The following HOMER1 variants were observed in gnomAD, a reference collection of about 807,000 sequenced individuals.
HOMER1 encodes homer protein homolog 1.
HOMER1 carries 3 observed loss-of-function variants against 48.9 expected under a neutral mutation model. The ratio of observed to expected loss-of-function variants is 0.06; its 90% CI spans 0.03 to 0.16. HOMER1 has a LOEUF of 0.16. Among genes scored for constraint, HOMER1 ranks in the 10% least tolerant of loss-of-function variants. HOMER1 has a pLI of 1.00. For missense variants in HOMER1, 247 were observed against 411.4 expected (o/e 0.60, Z 3.46); for synonymous variants, 134 against 146.4 (o/e 0.92, Z 0.61).
chr5:79,492,672 G>A (rs893078726), intron 1 of HOMER1, among the ~76,000 whole-genome samples: 1 of 152,062 alleles, frequency 6.6e-6, no homozygotes, highest in African/African-American at 2.4e-5. Context: ...TTGGTTTCAG[G>A]ATGTTTTCCA....
At chr5:79,500,969 C>G (rs574538778) in intron 1 of HOMER1, among the ~76,000 whole-genome samples, 8,162 of 94,080 alleles carry the variant, frequency 0.087, 483 homozygotes, top group East Asian at 0.5. Context: ...GACAGACACA[C>G]ACACACACAC....
intron 1 of HOMER1, among the ~76,000 whole-genome samples, chr5:79,492,647 G>A (rs968603642): frequency 9.2e-5 from 14 of 152,092 alleles, no homozygotes; most frequent in Admixed American, 4.6e-4. Flanking sequence ...AGACCTCTAA[G>A]ACTTTCCATA....
chr5:79,427,993 G>A (rs892387212), intron 5 of HOMER1, among the ~76,000 whole-genome samples: 1 of 152,114 alleles, frequency 6.6e-6, no homozygotes, highest in Non-Finnish European at 1.5e-5. Flanking sequence ...GAAAATGCTA[G>A]AAGACAGGAA....
intron 8 of HOMER1, among the ~76,000 whole-genome samples, chr5:79,379,190 T>C (rs1748877106): frequency 3.1e-5 from 3 of 96,298 alleles, no homozygotes; most frequent in South Asian, 3.2e-4. Context: ...TTTTTATATA[T>C]CTATAATATA....
chr5:79,465,584 C>CT (rs10666507), intron 1 of HOMER1, among the ~76,000 whole-genome samples: 2,516 of 77,882 alleles, frequency 0.032, 485 homozygotes, highest in East Asian at 0.1. Flanking sequence ...TACATTTCTT[C>CT]TTTTTTTTTT....
At chr5:79,505,726 A>C (rs973542472) in intron 1 of HOMER1, among the ~76,000 whole-genome samples, 1 of 152,238 alleles carries the variant, frequency 6.6e-6, no homozygotes, top group Admixed American at 6.5e-5. Context: ...TAAGTGTACT[A>C]TGAAGATAAA....
intron 5 of HOMER1, among the ~76,000 whole-genome samples, chr5:79,430,946 T>A (rs76312670): frequency 1.5e-4 from 22 of 150,786 alleles, no homozygotes; most frequent in Non-Finnish European, 1.0e-4. Flanking sequence ...AAAAAAAAAA[T>A]AAATAAAACA....
chr5:79,419,365 T>G (rs1377633081), intron 5 of HOMER1, among the ~76,000 whole-genome samples: 2 of 152,200 alleles, frequency 1.3e-5, no homozygotes, highest in Non-Finnish European at 1.5e-5. Context: ...TGTGCTTCTA[T>G]AGGTTTACTT....
intron 1 of HOMER1, among the ~76,000 whole-genome samples, chr5:79,476,597 A>G (rs1216704510): frequency 6.6e-6 from 1 of 152,188 alleles, no homozygotes; most frequent in Admixed American, 6.5e-5. Context: ...GAACTCAGGA[A>G]AACACTTAAG....
At chr5:79,492,911 T>TTC (rs1460196326) in intron 1 of HOMER1, among the ~76,000 whole-genome samples, 11 of 84,610 alleles carry the variant, frequency 1.3e-4, no homozygotes, top group Admixed American at 1.0e-3. Context: ...CTTTGTCTTT[T>TTC]TTTTTTTTTT....
At chr5:79,500,099 A>G (rs1038132335) in intron 1 of HOMER1, among the ~76,000 whole-genome samples, 5 of 152,212 alleles carry the variant, frequency 3.3e-5, no homozygotes, top group African/African-American at 1.2e-4. Flanking sequence ...AACCCAGAGT[A>G]AGGACCATTG....
Position 79,402,163 on chromosome 5 carries a change from CTTTTCTT to C in HOMER1, c.528-115_528-109del. 3 of 852,930 alleles carry C rather than the reference CTTTTCTT, an allele frequency of 3.5e-6. No homozygotes were observed. The African/African-American group carries it at 5.5e-5, about 16-fold the overall frequency. The allele number at this position is 852,930 out of a possible 1,614,324, so 52.8% of individuals were successfully genotyped here. ...AGGGTTTATAGTCTAAGAATGTTTT[CTTTTCTT>C]TTTTTTTTTTTTTGAGATGGAGTCT... On this transcript the variant is annotated intron_variant, in intron 5 of 8. Transcript: ENST00000334082.
At chr5:79,425,407 G>C (rs1230389372) in intron 5 of HOMER1, among the ~76,000 whole-genome samples, 1 of 151,984 alleles carries the variant, frequency 6.6e-6, no homozygotes. Context: ...CAGGGGAAAG[G>C]GAGGAGAAAC....
At chr5:79,509,791 A>C (rs1266963260) in intron 1 of HOMER1, among the ~76,000 whole-genome samples, 1 of 152,188 alleles carries the variant, frequency 6.6e-6, no homozygotes, top group African/African-American at 2.4e-5. Flanking sequence ...TATTAAAAAT[A>C]ATTCCTTTGC....
At chr5:79,383,676 G>A (rs980853941) in intron 8 of HOMER1, among the ~76,000 whole-genome samples, 1 of 152,042 alleles carries the variant, frequency 6.6e-6, no homozygotes, top group South Asian at 2.1e-4. Context: ...GAGCCACCTC[G>A]CCTGGCCTAC....
intron 6 of HOMER1, among the ~76,000 whole-genome samples, chr5:79,400,378 A>G (rs2112218669): frequency 6.8e-6 from 1 of 147,608 alleles, no homozygotes; most frequent in East Asian, 2.0e-4. Context: ...TTTCTGAGAT[A>G]AGGCCTTGCT....
intron 8 of HOMER1, among the ~76,000 whole-genome samples, chr5:79,379,065 G>A (rs1210854323): frequency 2.4e-5 from 2 of 83,946 alleles, no homozygotes; most frequent in African/African-American, 9.7e-5. Context: ...CTTCTTAGGT[G>A]TCTACCTTTT....
chr5:79,484,280 TA>T (rs1039387177), intron 1 of HOMER1, among the ~76,000 whole-genome samples: 3 of 150,970 alleles, frequency 2.0e-5, no homozygotes, highest in African/African-American at 4.9e-5. Flanking sequence ...AAATAAATCA[TA>T]AAAAAACACT....
intron 8 of HOMER1, among the ~76,000 whole-genome samples, chr5:79,394,522 C>T (rs1441944506): frequency 6.6e-6 from 1 of 152,166 alleles, no homozygotes; most frequent in Admixed American, 6.5e-5. Flanking sequence ...ATTATATTCA[C>T]AATTTCAAGT....
Sources: allele counts gnomAD v4.1 joint callset (sites outside exome capture counted in the v4.1 genomes callset), GRCh38; gene constraint gnomAD v4.1.1; transcripts MANE v1.5; gene names NCBI Gene and HGNC (gene_info 2026-07-23, HGNC 2026-07-21).